Variants in RHOXF1 observed in about 807,000 individuals in gnomAD.
The protein encoded by RHOXF1 is Rhox homeobox family member 1, also known as PEPP subfamily gene 1.
Under a neutral mutation model 9.7 loss-of-function variants are expected in RHOXF1, and 1 was observed. The ratio of observed to expected loss-of-function variants is 0.10; its 90% CI spans 0.04 to 0.49. The LOEUF is 0.49. RHOXF1 is among the 20% of genes least tolerant of loss of function. RHOXF1 has a pLI of 0.95. For synonymous variants in RHOXF1, 72 were observed against 70.2 expected (o/e 1.03, Z -0.13); for missense variants, 179 against 168.0 (o/e 1.07, Z -0.36).
intron 1 of RHOXF1, among the ~76,000 whole-genome samples, chrX:120,113,462 T>A (rs1556000127): frequency 9.1e-6 from 1 of 109,379 alleles, no homozygotes. Flanking sequence ...ATTATTTTTA[T>A]TATTATTATT....
rs782456853 is a variant in RHOXF1 at position 120,115,720 on chromosome X, A to G, written c.143T>C (p.Met48Thr). The G allele has an allele frequency of 4.1e-6, 5 of 1,207,340 alleles. No individual in the cohort carries two copies. The Admixed American group carries it at 8.8e-5, about 21-fold the overall frequency. Residue 48 changes from methionine to threonine, a missense_variant, in exon 1 of 3, where the codon ATG becomes ACG. Coordinates refer to ENST00000217999, the MANE Select transcript of RHOXF1 (RefSeq NM_139282.3). Reference sequence around the variant, plus strand: ...GTGGTTCACACCGCCCTCAGGGTTCATATTACCCATGAGGCCTGGAGCTCC... The same window carrying G: ...GTGGTTCACACCGCCCTCAGGGTTCGTATTACCCATGAGGCCTGGAGCTCC... ...GQGAPGLMGN[M>T]NPEGGVNHEN...
In RHOXF1 at chrX:120,115,906, G is replaced by A; in HGVS notation, c.-44C>T. 2.7e-6 allele frequency: 3 copies of A among 1,116,810 alleles called. No individual in the cohort carries two copies. The highest frequency in any genetic ancestry group is 3.5e-6 in the Non-Finnish European group (3 of 848,562). 92.0% of individuals were successfully genotyped at this position (1,116,810 alleles called of 1,213,427 possible). On this transcript the variant is annotated 5_prime_UTR_variant, in exon 1 of 3. Coordinates refer to ENST00000217999, the MANE Select transcript of RHOXF1 (RefSeq NM_139282.3). ...CTGCACAAACTCCGTGGCGTCTGCA[G>A]CTGGAGTGGGGGTTAGAGGGTGGAG...
At position 120,112,927 on chromosome X, in the gene RHOXF1, G is replaced by T; in HGVS notation, c.399-13C>A. The T allele has an allele frequency of 2.6e-6, 3 of 1,132,199 alleles. No homozygotes were observed. Among genetic ancestry groups the T allele is most frequent in the East Asian group, 3.0e-5 (1 of 33,453 alleles). 93.3% of individuals were successfully genotyped at this position (1,132,199 alleles called of 1,213,427 possible). A position where few individuals can be genotyped will look rare whatever the true frequency, so the allele number is the denominator to read the frequency against. On this transcript the variant is annotated splice_polypyrimidine_tract_variant and intron_variant, in intron 1 of 2. Coordinates refer to ENST00000217999, the MANE Select transcript of RHOXF1 (RefSeq NM_139282.3). ...GGCAAGTTCCCTTCTGTGGAGAGAA[G>T]ATCACACATGGTTAGTATTCAAAGT... is the stretch of plus-strand genomic sequence containing the variant.
chrX:120,117,134 T>C (rs1556000773), upstream of RHOXF1, among the ~76,000 whole-genome samples: 3 of 110,962 alleles, frequency 2.7e-5, no homozygotes, highest in African/African-American at 9.9e-5. Context: ...GCTCCTGCAC[T>C]AGTCCCAGCT....
intron 2 of RHOXF1, among the ~76,000 whole-genome samples, chrX:120,112,461 A>C (rs1392496326): frequency 0.49 from 36,551 of 74,795 alleles, 7,393 homozygotes; most frequent in Non-Finnish European, 0.63. Flanking sequence ...ACATATGTAT[A>C]ATATATAATA....
rs36014613 is a variant in RHOXF1 at position 120,115,754 on chromosome X, C to T, written c.109G>A (p.Val37Ile). The T allele has an allele frequency of 1.2e-5, 14 of 1,206,779 alleles. No individual in the cohort carries two copies. The African/African-American group carries it at 2.3e-4, about 20-fold the overall frequency. The part of the protein sequence containing the change: ...LGAASSAEGH[V>I]GQGAPGLMGN... ...ATGAGGCCTGGAGCTCCTTGGCCAA[C>T]ATGGCCTTCTGCGCTTGATGCTGCC... Residue 37 changes from valine (V) to isoleucine (I), a missense_variant, in exon 1 of 3, where the codon GTT becomes ATT. Coordinates refer to ENST00000217999, the MANE Select transcript of RHOXF1 (RefSeq NM_139282.3).
intron 2 of RHOXF1, among the ~76,000 whole-genome samples, chrX:120,111,461 C>A (rs959433215): frequency 1.2e-4 from 14 of 112,044 alleles, no homozygotes; most frequent in African/African-American, 4.5e-4. Context: ...TAAGGTCATC[C>A]TGATTTTTGT....
intron 1 of RHOXF1, 32 bp from the exon 2 acceptor site, chrX:120,112,946 T>G: frequency 9.5e-7 from 1 of 1,053,530 alleles, no homozygotes; most frequent in Non-Finnish European, 1.3e-6. Context: ...TGGTTAGTAT[T>G]CAAAGTTGTG....
intron 2 of RHOXF1, among the ~76,000 whole-genome samples, chrX:120,110,604 A>T (rs1555999666): frequency 8.9e-6 from 1 of 111,780 alleles, no homozygotes; most frequent in Non-Finnish European, 1.9e-5. Context: ...TTTTAGGAAG[A>T]TGGTTAACAT....
upstream of RHOXF1, among the ~76,000 whole-genome samples, chrX:120,117,410 T>G (rs1202568214): frequency 8.9e-6 from 1 of 111,815 alleles, no homozygotes; most frequent in Non-Finnish European, 1.9e-5. Context: ...TGCTCTTAAG[T>G]GATGTTATAT....
Position 120,109,217 on chromosome X carries a change from T to C in RHOXF1, c.530A>G (p.Asp177Gly), listed in dbSNP as rs782813436. ...CTAGTCCACGACGATGTAGACACAGTCGTCTGGGTCAGCACGTAGTTCATT... is the reference window on the plus strand; with the variant it reads ...CTAGTCCACGACGATGTAGACACAGCCGTCTGGGTCAGCACGTAGTTCATT... Reference protein sequence around the residue: ...LANELRADPDDCVYIVVD With the variant: ...LANELRADPDGCVYIVVD The change falls in exon 3 of 3, where the codon GAC becomes GGC. Residue 177 changes from aspartate (D) to glycine (G), a missense_variant. Physicochemically the swap from Asp to Gly is moderately conservative, Grantham distance 94 (BLOSUM62 -1). Coordinates refer to ENST00000217999, the MANE Select transcript of RHOXF1 (RefSeq NM_139282.3). 2.6e-5 allele frequency: 31 copies of C among 1,189,981 alleles called. No homozygotes were observed. The highest frequency in any genetic ancestry group is 3.5e-5 in the Non-Finnish European group (31 of 879,524).
At position 120,115,631 on chromosome X, in the gene RHOXF1, G is replaced by A; in HGVS notation, c.232C>T (p.Arg78Trp). 8.5e-7 allele frequency: 1 copy of A among 1,175,157 alleles called. No homozygotes were observed. The highest frequency in any genetic ancestry group is 1.9e-5 in the South Asian group (1 of 51,938). ...PEGGGGNQEP[R>W]QQPQPPPEEP... ...TCCGGCGGGGGCTGCGGCTGCTGCCGAGGCTCCTGGTTTCCACCGCCGCCC... is the reference window on the plus strand; with the variant it reads ...TCCGGCGGGGGCTGCGGCTGCTGCCAAGGCTCCTGGTTTCCACCGCCGCCC... Residue 78 changes from arginine (R) to tryptophan (W), a missense_variant, in exon 1 of 3, where the codon CGG becomes TGG. Arg to Trp is a moderately radical substitution (Grantham distance 101). Transcript: ENST00000217999.
chrX:120,109,100 G>T lies in RHOXF1; in HGVS notation c.*92C>A. On this transcript the variant is annotated 3_prime_UTR_variant, in exon 3 of 3. Transcript: ENST00000217999. ...ATAACATAAGTGCAGAGGAGATAAG[G>T]GTAGCCTGAGCGGCATGGGCAGCCC... 1 of 489,451 alleles carries T rather than the reference G, an allele frequency of 2.0e-6. No homozygotes were observed. The highest frequency in any genetic ancestry group is 3.7e-6 in the Non-Finnish European group (1 of 273,659). The allele number at this position is 489,451 out of a possible 1,213,427, so 40.3% of individuals were successfully genotyped here.
In RHOXF1 at chrX:120,115,633, G is replaced by A; in HGVS notation, c.230C>T (p.Pro77Leu). ...IPEGGGGNQE[P>L]RQQPQPPPEE... ...CGGCGGGGGCTGCGGCTGCTGCCGA[G>A]GCTCCTGGTTTCCACCGCCGCCCTC... The change falls in exon 1 of 3, where the codon CCT (proline) becomes CTT (leucine). Residue 77 changes from proline to leucine, a missense_variant. Transcript: ENST00000217999. 1 of 1,178,292 alleles carries A rather than the reference G, an allele frequency of 8.5e-7. No homozygotes were observed. Among genetic ancestry groups the A allele is most frequent in the Non-Finnish European group, 1.1e-6 (1 of 877,990 alleles).
intron 2 of RHOXF1, among the ~76,000 whole-genome samples, chrX:120,112,418 T>TA (rs2057269362): frequency 2.3e-5 from 1 of 43,822 alleles, no homozygotes; most frequent in African/African-American, 4.6e-5. Flanking sequence ...CATATATGTA[T>TA]TATATATAAT....
intron 1 of RHOXF1, 146 bp from the exon 2 acceptor site, chrX:120,113,060 A>G: frequency 2.5e-6 from 1 of 403,077 alleles, no homozygotes; most frequent in Non-Finnish European, 4.2e-6. Context: ...TCTAATTCCC[A>G]GCTCCATGGT....
chrX:120,111,610 G>A (rs1413232067), intron 2 of RHOXF1, among the ~76,000 whole-genome samples: 3 of 111,455 alleles, frequency 2.7e-5, no homozygotes, highest in Non-Finnish European at 5.7e-5. Context: ...ATTAACATGG[G>A]TGTGAATCTA....
intron 2 of RHOXF1, among the ~76,000 whole-genome samples, chrX:120,112,436 TATTA>T (rs1416236315): frequency 1.8e-3 from 1 of 558 alleles, no homozygotes; most frequent in Non-Finnish European, 4.0e-3. Context: ...AATACACATA[TATTA>T]TATATAATAC....
chrX:120,117,517 G>A (rs1057489136), upstream of RHOXF1: 1 of 110,590 alleles, frequency 9.0e-6, no homozygotes, highest in Non-Finnish European at 1.9e-5. Context: ...GGTTATTTGA[G>A]GTTTTTTTGG....
Sources: allele counts gnomAD v4.1 joint callset (sites outside exome capture counted in the v4.1 genomes callset), GRCh38; gene constraint gnomAD v4.1.1; transcripts MANE v1.5; gene names NCBI Gene and HGNC (gene_info 2026-07-23, HGNC 2026-07-21).